The following REV1 variants were observed in gnomAD, a reference collection of about 807,000 sequenced individuals.
REV1 encodes the protein REV1 DNA directed polymerase.
A neutral mutation model predicts 137.4 loss-of-function variants in REV1; 42 were observed. The ratio of observed to expected loss-of-function variants is 0.31; its 90% CI spans 0.24 to 0.40. The LOEUF is 0.40. Ranked by LOEUF, REV1 falls within the 10% of genes least tolerant of loss-of-function variation. The pLI is 1.00. For synonymous variants in REV1, 524 were observed against 519.2 expected, an observed-to-expected ratio of 1.01 and a Z score of -0.12; for missense variants, 1,282 against 1,490.1, an observed-to-expected ratio of 0.86 and a Z score of 2.30.
chr2:99,472,298 C>T (rs1200177300), intron 1 of REV1, among the ~76,000 whole-genome samples: 1 of 152,104 alleles, frequency 6.6e-6, no homozygotes, highest in Non-Finnish European at 1.5e-5. Flanking sequence ...TGAAATAAAC[C>T]ATTCACAAAA....
rs757535517 is a variant in REV1 at position 99,418,869 on chromosome 2, A to G, written c.1910T>C (p.Val637Ala). The G allele has an allele frequency of 6.2e-7, 1 of 1,612,312 alleles. No individual in the cohort carries two copies. ...DGQYHLKPEE[V>A]DDFIRGQLVT... ...TAGCTGGCCTCTGATAAAATCATCTACTTCTTCTGGTTTTAGGTGGTACTG... is the reference window on the plus strand; with the variant it reads ...TAGCTGGCCTCTGATAAAATCATCTGCTTCTTCTGGTTTTAGGTGGTACTG... Residue 637 changes from valine (V) to alanine (A), a missense_variant, in exon 12 of 23, where the codon GTA becomes GCA. Val to Ala is a moderately conservative substitution (Grantham distance 64). This residue lies in a region of REV1 where 372 missense variants were observed against 482.3 expected (regional missense o/e 0.77). Coordinates refer to ENST00000258428, the MANE Select transcript of REV1 (RefSeq NM_016316.4).
At chr2:99,452,040 A>T (rs1682982601) in intron 3 of REV1, among the ~76,000 whole-genome samples, 2 of 152,140 alleles carry the variant, frequency 1.3e-5, no homozygotes, top group African/African-American at 4.8e-5. Context: ...CAAGTCCAAA[A>T]GAACATACAC....
intron 4 of REV1, among the ~76,000 whole-genome samples, chr2:99,448,696 G>A (rs991867209): frequency 2.0e-5 from 3 of 152,144 alleles, no homozygotes; most frequent in Non-Finnish European, 4.4e-5. Context: ...AGGTAGTGAA[G>A]GGATCTTTGC....
intron 7 of REV1, chr2:99,435,571 G>A (rs1185031175): frequency 4.3e-6 from 1 of 230,396 alleles, no homozygotes. Context: ...TTTAGAAAAT[G>A]CCCAATACAG....
intron 9 of REV1, among the ~76,000 whole-genome samples, chr2:99,425,990 C>T (rs768183034): frequency 6.6e-6 from 1 of 151,368 alleles, no homozygotes; most frequent in Admixed American, 6.6e-5. Context: ...GAGCCGAGAT[C>T]GCGCCATTAC....
At position 99,402,358 on chromosome 2, in the gene REV1, G is replaced by GA; in HGVS notation, c.3542-13dup. 1 of 1,318,734 alleles carries GA rather than the reference G, an allele frequency of 7.6e-7. No individual in the cohort carries two copies. The highest frequency in any genetic ancestry group is 2.3e-5 in the East Asian group (1 of 42,978). 81.7% of individuals were successfully genotyped at this position (1,318,734 alleles called of 1,614,324 possible). ...TTCTTCCATTGGATCTAGGAAGGGGGAAAAACTTCAAATGAGGACCAGTCT... is the reference window on the plus strand; with the variant it reads ...TTCTTCCATTGGATCTAGGAAGGGGGAAAAAACTTCAAATGAGGACCAGTCT... On this transcript the variant is annotated splice_polypyrimidine_tract_variant and intron_variant, in intron 21 of 22. Coordinates refer to ENST00000258428, the MANE Select transcript of REV1 (RefSeq NM_016316.4).
At chr2:99,421,113 G>C (rs1559315331) in intron 11 of REV1, among the ~76,000 whole-genome samples, 1 of 152,100 alleles carries the variant, frequency 6.6e-6, no homozygotes, top group Admixed American at 6.5e-5. Context: ...GTGAAGACAG[G>C]AATAGCTCCA....
At chr2:99,453,294 G>C (rs186972642) in intron 3 of REV1, among the ~76,000 whole-genome samples, 1 of 151,786 alleles carries the variant, frequency 6.6e-6, no homozygotes, top group Non-Finnish European at 1.5e-5. Context: ...AGGAGGTAGA[G>C]GTTGCAATGA....
chr2:99,446,462 A>G (rs1682224199), intron 4 of REV1, among the ~76,000 whole-genome samples: 1 of 152,194 alleles, frequency 6.6e-6, no homozygotes, highest in Non-Finnish European at 1.5e-5. Flanking sequence ...GAACACGTGC[A>G]AAACAAGCAA....
At chr2:99,406,952 A>T (rs1223493829) in intron 15 of REV1, 1 of 152,386 alleles carries the variant, frequency 6.6e-6, no homozygotes, top group Non-Finnish European at 1.5e-5. Context: ...AAGTGCCATT[A>T]TAACAGTATT....
intron 7 of REV1, among the ~76,000 whole-genome samples, chr2:99,435,204 T>C (rs1218304934): frequency 6.6e-6 from 1 of 152,216 alleles, no homozygotes; most frequent in East Asian, 1.9e-4. Context: ...CAGCAGCTTC[T>C]GTGCCATAGT....
chr2:99,438,539 C>T, intron 6 of REV1, 62 bp downstream of exon 6: 1 of 1,269,548 alleles, frequency 7.9e-7, no homozygotes, highest in Non-Finnish European at 1.1e-6. Context: ...CCAATAATAG[C>T]ATAAGAGCAA....
intron 9 of REV1, among the ~76,000 whole-genome samples, chr2:99,428,239 A>G (rs893827063): frequency 1.3e-5 from 2 of 152,238 alleles, no homozygotes; most frequent in African/African-American, 4.8e-5. Flanking sequence ...GATACTGCAC[A>G]TAACTGTCTA....
intron 3 of REV1, among the ~76,000 whole-genome samples, chr2:99,456,199 A>C (rs1430594630): frequency 1.3e-5 from 2 of 152,242 alleles, no homozygotes; most frequent in African/African-American, 2.4e-5. Context: ...ATTCTGATGT[A>C]CAAATACAAA....
Position 99,449,499 on chromosome 2 carries a change from A to G in REV1, c.187T>C (p.Ser63Pro). 1 of 1,434,504 alleles carries G rather than the reference A, an allele frequency of 7.0e-7. No homozygotes were observed. The highest frequency in any genetic ancestry group is 9.2e-7 in the Non-Finnish European group (1 of 1,091,098). The allele number at this position is 1,434,504 out of a possible 1,614,324, so 88.9% of individuals were successfully genotyped here. Residue 63 changes from serine to proline, a missense_variant, in exon 4 of 23, where the codon TCC (serine) becomes CCC (proline). Transcript: ENST00000258428. ...ATTAGTTTTCTCAATTCCTCAGCGG[A>G]AGGATCTGCAAAATTTATATTAAAA... ...AIYVNGYTDP[S>P]AEELRKLMML... is the part of the protein sequence containing the mutation.
At chr2:99,435,261 G>T (rs1416192475) in intron 7 of REV1, among the ~76,000 whole-genome samples, 1 of 152,102 alleles carries the variant, frequency 6.6e-6, no homozygotes, top group Non-Finnish European at 1.5e-5. Flanking sequence ...AAAACACTAA[G>T]TTATCTCTTT....
chr2:99,468,966 G>T (rs28369937), intron 1 of REV1, among the ~76,000 whole-genome samples: 1,676 of 152,280 alleles, frequency 0.011, 9 homozygotes, highest in Middle Eastern at 0.024. Context: ...AATGATAACA[G>T]TAGACTAGAT....
chr2:99,439,648 G>A (rs544319765), intron 5 of REV1, among the ~76,000 whole-genome samples: 31 of 152,176 alleles, frequency 2.0e-4, no homozygotes, highest in Non-Finnish European at 1.0e-4. Flanking sequence ...TCTCATGGCT[G>A]AAGAAAAACC....
intron 1 of REV1, among the ~76,000 whole-genome samples, chr2:99,473,346 C>T (rs1164469354): frequency 9.9e-5 from 14 of 141,806 alleles, no homozygotes; most frequent in African/African-American, 3.7e-4. Flanking sequence ...CCAGCCTGGG[C>T]GACAGAGCGA....
Sources: allele counts gnomAD v4.1 joint callset (sites outside exome capture counted in the v4.1 genomes callset), GRCh38; gene constraint gnomAD v4.1.1; regional missense constraint gnomAD v4.1.1; transcripts MANE v1.5; gene names NCBI Gene and HGNC (gene_info 2026-07-23, HGNC 2026-07-21).